The following TATDN1 variants were observed in gnomAD, a reference collection of about 807,000 sequenced individuals.
TATDN1 encodes the protein TatD DNase domain containing 1.
TATDN1 carries 40 observed loss-of-function variants against 46.4 expected under a neutral mutation model. The observed-to-expected ratio is 0.86, with a 90% confidence interval of 0.67 to 1.12. The LOEUF is 1.12. TATDN1 is among the 50% of genes most tolerant of loss of function. TATDN1 has a pLI of 0.00. For synonymous variants in TATDN1, 95 were observed against 105.6 expected, an observed-to-expected ratio of 0.90 and a Z score of 0.62; for missense variants, 326 against 348.4, an observed-to-expected ratio of 0.94 and a Z score of 0.51.
rs1819125044 is a variant in TATDN1 at position 124,512,652 on chromosome 8, C to T, written c.389+3094G>A. 1.3e-5 allele frequency among the ~76,000 whole-genome samples: 2 copies of T among 152,176 alleles called. 1 individual carries two copies. Among genetic ancestry groups the T allele is most frequent in the South Asian group, 4.1e-4 (2 of 4,828 alleles). On this transcript the variant is annotated intron_variant, in intron 6 of 11. Transcript: ENST00000276692. ...AAGTGCCTACCATGTGCTGAGAGTA[C>T]TGTGCTAAGTGCTATGGAACTGTCA...
At chr8:124,499,162 A>T (rs1274088946) in intron 9 of TATDN1, among the ~76,000 whole-genome samples, 1 of 151,454 alleles carries the variant, frequency 6.6e-6, no homozygotes, top group East Asian at 1.9e-4. Context: ...CTATAATTTT[A>T]TTTTAGTAGG....
At chr8:124,505,933 TATTA>T (rs1175881354) in intron 8 of TATDN1, among the ~76,000 whole-genome samples, 1 of 151,654 alleles carries the variant, frequency 6.6e-6, no homozygotes, top group Non-Finnish European at 1.5e-5. Context: ...GAAAACTAGT[TATTA>T]ATTATTTGGC....
intron 6 of TATDN1, among the ~76,000 whole-genome samples, chr8:124,510,488 T>G (rs544916870): frequency 1.8e-4 from 27 of 152,248 alleles, no homozygotes; most frequent in Admixed American, 1.4e-3. Context: ...GGATGGAAAA[T>G]TAGCTTCCTA....
chr8:124,530,974 G>A (rs928695161), intron 1 of TATDN1, among the ~76,000 whole-genome samples: 1 of 152,092 alleles, frequency 6.6e-6, no homozygotes, highest in Non-Finnish European at 1.5e-5. Context: ...GTGCGACCAG[G>A]AGTCAATCTC....
intron 9 of TATDN1, among the ~76,000 whole-genome samples, chr8:124,502,612 T>C (rs1818072136): frequency 6.6e-6 from 1 of 152,198 alleles, no homozygotes; most frequent in Non-Finnish European, 1.5e-5. Flanking sequence ...AAGGAATACA[T>C]GGGATCTAAA....
Position 124,492,802 on chromosome 8 carries a change from T to C in TATDN1, c.791+1031A>G, listed in dbSNP as rs1004148544. 3.3e-5 allele frequency among the ~76,000 whole-genome samples: 5 copies of C among 151,824 alleles called. No homozygotes were observed. The South Asian group carries it at 6.3e-4, about 19-fold the overall frequency. On this transcript the variant is annotated intron_variant, in intron 11 of 11. Coordinates refer to ENST00000276692, the MANE Select transcript of TATDN1 (RefSeq NM_032026.4). ...TAGAAATACTGTCTCATCACTGAAT[T>C]TGCAAGTACTTACATTTCTTTATTT...
At chr8:124,518,736 T>C (rs756260430) in intron 4 of TATDN1, 82 bp downstream of exon 4, 1 of 945,534 alleles carries the variant, frequency 1.1e-6, no homozygotes, top group Admixed American at 1.8e-5. Flanking sequence ...ATCCATTGTA[T>C]TGTACCTGAA....
chr8:124,515,758 T>A lies in TATDN1; in HGVS notation c.377A>T (p.Asp126Val). 1 of 1,613,718 alleles carries A rather than the reference T, an allele frequency of 6.2e-7. No individual in the cohort carries two copies. The highest frequency in any genetic ancestry group is 8.5e-7 in the Non-Finnish European group (1 of 1,179,808). Residue 126 changes from aspartate to valine, a missense_variant, in exon 6 of 12, where the codon GAT (aspartate) becomes GTT (valine). By Grantham distance (152) the Asp-to-Val change is radical. Transcript: ENST00000276692. ...CAAATTTCCTTACTTGAGTTGAGTA[T>A]CTTTGGGACAAAACTGCAGTCGGTC... ...DFDRLQFCPK[D>V]TQLKYFEKQF...
intron 9 of TATDN1, among the ~76,000 whole-genome samples, chr8:124,495,854 T>A (rs537968704): frequency 6.6e-6 from 1 of 152,354 alleles, no homozygotes; most frequent in East Asian, 1.9e-4. Flanking sequence ...TTGCGTAACT[T>A]AGAGGTGCTT....
rs143260688 is a variant in TATDN1, at chr8:124,525,128, T to C, written c.23-2126A>G. Among the ~76,000 whole-genome samples the C allele has an allele frequency of 6.7e-3, 1,021 of 152,180 alleles. 15 individuals carry two copies. Among genetic ancestry groups the C allele is most frequent in the African/African-American group, 0.023 (976 of 41,534 alleles). On this transcript the variant is annotated intron_variant, in intron 1 of 11. Coordinates refer to ENST00000276692, the MANE Select transcript of TATDN1 (RefSeq NM_032026.4). ...GACCACCCACCATCCTTCCACACTT[T>C]AGCATCATCCTAATCTTTTTTTTAT...
chr8:124,498,068 G>T (rs1302916408), intron 9 of TATDN1, among the ~76,000 whole-genome samples: 1 of 152,106 alleles, frequency 6.6e-6, no homozygotes, highest in African/African-American at 2.4e-5. Context: ...TCGCACTGGG[G>T]TTAGTTTTTC....
chr8:124,506,334 C>CAAAA (rs56023168), intron 8 of TATDN1, among the ~76,000 whole-genome samples: 22 of 52,452 alleles, frequency 4.2e-4, no homozygotes, highest in African/African-American at 4.9e-4. Context: ...GGCTCTGTCT[C>CAAAA]AAAAAAAAAA....
intron 1 of TATDN1, among the ~76,000 whole-genome samples, chr8:124,527,007 C>T (rs1027723752): frequency 3.3e-5 from 5 of 151,904 alleles, no homozygotes; most frequent in African/African-American, 9.7e-5. Flanking sequence ...CTTAAAATCA[C>T]GAGATCTATA....
intron 6 of TATDN1, among the ~76,000 whole-genome samples, chr8:124,514,278 C>T (rs773422345): frequency 6.6e-6 from 1 of 152,202 alleles, no homozygotes; most frequent in Middle Eastern, 3.4e-3. Flanking sequence ...GGGAGGGAAG[C>T]GGGAGGAAGT....
chr8:124,517,377 G>A (rs1037172543), intron 4 of TATDN1, among the ~76,000 whole-genome samples: 9 of 149,378 alleles, frequency 6.0e-5, no homozygotes, highest in African/African-American at 9.9e-5. Flanking sequence ...GCCGTGAGCC[G>A]AGATCGTGCC....
chr8:124,518,806 A>C lies in TATDN1; in HGVS notation c.202+12T>G, dbSNP rs73340074. On this transcript the variant is annotated intron_variant, in intron 4 of 11. Transcript: ENST00000276692. ...ATTCATTTTTTTTTTGGTAAAAGAA[A>C]TATGAGGATACCATTTGTTTGTGCC... 1.9e-6 allele frequency: 3 copies of C among 1,600,240 alleles called. No individual in the cohort carries two copies. In the South Asian group the frequency reaches 3.3e-5, roughly 18 times the overall value.
chr8:124,534,376 T>A (rs1265029346), intron 1 of TATDN1, among the ~76,000 whole-genome samples: 1 of 152,182 alleles, frequency 6.6e-6, no homozygotes, highest in Non-Finnish European at 1.5e-5. Context: ...CCACACCTAT[T>A]TACATACTGT....
In TATDN1 at chr8:124,535,480, G is replaced by C. The variant is rs537647399; in HGVS notation, c.22+3545C>G. 5.3e-5 allele frequency among the ~76,000 whole-genome samples: 8 copies of C among 152,142 alleles called. No homozygotes were observed. The East Asian group carries it at 1.3e-3, about 26-fold the overall frequency. ...TACCATTTTGGACATGACCACCAAG[G>C]GACATTTTTGGAACAACAGGAAAAA... On this transcript the variant is annotated intron_variant, in intron 1 of 11. Coordinates refer to ENST00000276692, the MANE Select transcript of TATDN1 (RefSeq NM_032026.4).
At chr8:124,504,243 T>C in intron 9 of TATDN1, 28 bp downstream of exon 9, 1 of 1,538,150 alleles carries the variant, frequency 6.5e-7, no homozygotes, top group Admixed American at 2.1e-5. Context: ...AAATAAAAGT[T>C]AAAAACCAAA....
Sources: allele counts gnomAD v4.1 joint callset (sites outside exome capture counted in the v4.1 genomes callset), GRCh38; gene constraint gnomAD v4.1.1; transcripts MANE v1.5; gene names NCBI Gene and HGNC (gene_info 2026-07-23, HGNC 2026-07-21).